The following CSNK1G1 variants were observed in gnomAD, a reference collection of about 807,000 sequenced individuals.
CSNK1G1 encodes the protein casein kinase I isoform gamma-1.
In CSNK1G1, 22 loss-of-function variants were observed where a neutral mutation model predicts 59.6. The observed-to-expected ratio is 0.37, with a 90% CI of 0.26 to 0.53. CSNK1G1 has a LOEUF of 0.53. CSNK1G1 is among the 20% of genes least tolerant of loss of function. CSNK1G1 has a pLI of 0.89. For missense variants in CSNK1G1, 384 were observed against 519.5 expected (o/e 0.74, Z 2.54); for synonymous variants, 179 against 177.1 (o/e 1.01, Z -0.08).
chr15:64,354,899 G>T (rs955771628), intron 1 of CSNK1G1, among the ~76,000 whole-genome samples: 1 of 152,162 alleles, frequency 6.6e-6, no homozygotes, highest in Non-Finnish European at 1.5e-5. Flanking sequence ...ACTTCCACTT[G>T]ACCGCAATTA....
intron 4 of CSNK1G1, among the ~76,000 whole-genome samples, chr15:64,230,747 T>C (rs912785095): frequency 6.6e-6 from 1 of 151,400 alleles, no homozygotes; most frequent in South Asian, 2.1e-4. Context: ...CCAAGGTGGG[T>C]GGATCACTAG....
At position 64,294,083 on chromosome 15, in the gene CSNK1G1, C is replaced by CT. The variant is rs538245580; in HGVS notation, c.181+6235dup. On this transcript the variant is annotated intron_variant, in intron 2 of 11. Coordinates refer to ENST00000303052, the MANE Select transcript of CSNK1G1 (RefSeq NM_022048.5). ...TCTATTAAGCAATAAAAAGAGGCTT[C>CT]TTTTTTTGAGACGGAGTCTCACTCT... Among the ~76,000 whole-genome samples the CT allele has an allele frequency of 3.1e-4, 47 of 152,138 alleles. 1 individual carries two copies. In the East Asian group the frequency reaches 7.7e-3, roughly 25 times the overall value.
chr15:64,235,837 ATACT>A (rs755835595), intron 4 of CSNK1G1, among the ~76,000 whole-genome samples: 13 of 152,232 alleles, frequency 8.5e-5, no homozygotes, highest in African/African-American at 1.7e-4. Flanking sequence ...CATTTCTTAA[ATACT>A]TACTATGTAC....
rs1274428419 is a variant in CSNK1G1, at chr15:64,180,313, C to T, written c.1214+35G>A. 9.2e-6 allele frequency: 14 copies of T among 1,514,414 alleles called. No homozygotes were observed. In the African/African-American group the frequency reaches 1.6e-4, roughly 18 times the overall value. The allele number at this position is 1,514,414 out of a possible 1,614,324, so 93.8% of individuals were successfully genotyped here. ...AAGAGACAGAAAAGATTTTTCAACCCATGACTTAAGAGCCCCCTTGAAAGA... is the reference window on the plus strand; with the variant it reads ...AAGAGACAGAAAAGATTTTTCAACCTATGACTTAAGAGCCCCCTTGAAAGA... On this transcript the variant is annotated intron_variant, in intron 11 of 11. Coordinates refer to ENST00000303052, the MANE Select transcript of CSNK1G1 (RefSeq NM_022048.5).
At position 64,204,562 on chromosome 15, in the gene CSNK1G1, A is replaced by C. The variant is rs1224975021; in HGVS notation, c.878T>G (p.Val293Gly). Residue 293 changes from valine to glycine, a missense_variant, in exon 9 of 12, where the codon GTC (valine) becomes GGC (glycine). By Grantham distance (109) the Val-to-Gly change is moderately radical (BLOSUM62 -3). Coordinates refer to ENST00000303052, the MANE Select transcript of CSNK1G1 (RefSeq NM_022048.5). ...PEEMATYLRY[V>G]RRLDFFEKPD... ...TTTTTCAAAGAAGTCCAGTCGCCTGACATATCGAAGGTAGGTTGCCATCTC... is the reference window on the plus strand; with the variant it reads ...TTTTTCAAAGAAGTCCAGTCGCCTGCCATATCGAAGGTAGGTTGCCATCTC... 6.2e-7 allele frequency: 1 copy of C among 1,613,920 alleles called. No individual in the cohort carries two copies. The highest frequency in any genetic ancestry group is 8.5e-7 in the Non-Finnish European group (1 of 1,180,008).
intron 4 of CSNK1G1, among the ~76,000 whole-genome samples, chr15:64,218,693 T>C (rs1321131593): frequency 6.6e-6 from 1 of 151,614 alleles, no homozygotes; most frequent in Admixed American, 6.6e-5. Flanking sequence ...CCGGCCTAAA[T>C]CCTAAACAAC....
intron 6 of CSNK1G1, among the ~76,000 whole-genome samples, chr15:64,209,465 T>C (rs2082223936): frequency 1.3e-5 from 2 of 152,146 alleles, no homozygotes; most frequent in Admixed American, 6.5e-5. Flanking sequence ...TTTTAAATAA[T>C]GATTTGATGG....
intron 11 of CSNK1G1, among the ~76,000 whole-genome samples, chr15:64,174,526 T>G (rs2081718310): frequency 6.6e-6 from 1 of 152,246 alleles, no homozygotes; most frequent in Admixed American, 6.5e-5. Flanking sequence ...GACTTTCAGA[T>G]GTGTTCCTCT....
chr15:64,309,471 T>C (rs1895875511), intron 1 of CSNK1G1, among the ~76,000 whole-genome samples: 1 of 151,646 alleles, frequency 6.6e-6, no homozygotes, highest in African/African-American at 2.4e-5. Context: ...AAAAAGATAA[T>C]CAAAAGTACC....
intron 10 of CSNK1G1, chr15:64,181,631 A>G: frequency 4.0e-6 from 2 of 495,248 alleles, no homozygotes; most frequent in Non-Finnish European, 6.9e-6. Context: ...ATCAGCCCTA[A>G]GTTTGAACCC....
chr15:64,214,562 G>C lies in CSNK1G1; in HGVS notation c.445-438C>G, dbSNP rs2082286670. 6.6e-6 allele frequency among the ~76,000 whole-genome samples: 1 copy of C among 152,162 alleles called. No individual in the cohort carries two copies. The highest frequency in any genetic ancestry group is 1.5e-5 in the Non-Finnish European group (1 of 68,030). ...CATCTTCTTATGCTTATTTGGACAA[G>C]ACTACCCAACCCAGTTTTCGATGTT... On this transcript the variant is annotated intron_variant, in intron 5 of 11. Transcript: ENST00000303052. The surrounding 1 kb of genome is among the most constrained non-coding windows in gnomAD (Gnocchi z 4.3).
At chr15:64,344,684 A>G (rs1418438431) in intron 1 of CSNK1G1, among the ~76,000 whole-genome samples, 1 of 152,216 alleles carries the variant, frequency 6.6e-6, no homozygotes, top group Non-Finnish European at 1.5e-5. Context: ...CACTAACTGC[A>G]ATGAAAAAAT....
chr15:64,333,955 G>A (rs1897248642), intron 1 of CSNK1G1, among the ~76,000 whole-genome samples: 2 of 152,146 alleles, frequency 1.3e-5, no homozygotes, highest in East Asian at 3.9e-4. Context: ...AATAATGGGG[G>A]ACTTCAACAC....
intron 2 of CSNK1G1, among the ~76,000 whole-genome samples, chr15:64,281,007 G>A (rs577152071): frequency 4.2e-4 from 64 of 152,038 alleles, no homozygotes; most frequent in African/African-American, 1.5e-3. Flanking sequence ...AGCCTCCCAA[G>A]TAGCTGGGAC....
At chr15:64,278,369 TGTATGTGC>T (rs1438623171) in intron 2 of CSNK1G1, among the ~76,000 whole-genome samples, 1 of 146,226 alleles carries the variant, frequency 6.8e-6, no homozygotes, top group African/African-American at 2.6e-5. Context: ...TATATATGCA[TGTATGTGC>T]GTGTGTGTGT....
chr15:64,182,833 T>G (rs1224488579), intron 10 of CSNK1G1, among the ~76,000 whole-genome samples: 1 of 152,096 alleles, frequency 6.6e-6, no homozygotes, highest in South Asian at 2.1e-4. Context: ...AGAGTTGAAA[T>G]TTTCAATACA....
At chr15:64,338,746 G>A (rs1002451026) in intron 1 of CSNK1G1, among the ~76,000 whole-genome samples, 4 of 139,506 alleles carry the variant, frequency 2.9e-5, no homozygotes, top group Non-Finnish European at 4.6e-5. Flanking sequence ...GGCCGGGCGC[G>A]ATAGCTTACA....
At chr15:64,314,250 G>A (rs987428738) in intron 1 of CSNK1G1, among the ~76,000 whole-genome samples, 7 of 152,176 alleles carry the variant, frequency 4.6e-5, no homozygotes, top group East Asian at 1.9e-4. Flanking sequence ...CTGAGAAACC[G>A]GGATTACAGG....
intron 4 of CSNK1G1, among the ~76,000 whole-genome samples, chr15:64,230,302 G>GTT (rs1174714667): frequency 7.0e-6 from 1 of 142,378 alleles, no homozygotes. Flanking sequence ...GCCAGTTTTG[G>GTT]TTTTTTTTTT....
Sources: gnomAD v4.1 joint callset for allele counts (sites outside exome capture counted in the v4.1 genomes callset) on GRCh38, gnomAD v4.1.1 for gene constraint, Gnocchi (gnomAD v3.1) non-coding constraint, MANE v1.5 for transcripts, NCBI Gene and HGNC (gene_info 2026-07-23, HGNC 2026-07-21) for gene names.